The following NOL4 variants were observed in gnomAD, a reference collection of about 807,000 sequenced individuals.
The protein encoded by NOL4 is nucleolar protein 4, also known as cancer/testis antigen 125.
A neutral mutation model predicts 75.9 loss-of-function variants in NOL4; 17 were observed. The ratio of observed to expected loss-of-function variants is 0.22; its 90% CI spans 0.15 to 0.34. The LOEUF is 0.34. Among genes scored for constraint, NOL4 ranks in the 10% least tolerant of loss-of-function variants. The pLI is 1.00. For synonymous variants in NOL4, 292 were observed against 289.9 expected, an observed-to-expected ratio of 1.01 and a Z score of -0.07; for missense variants, 614 against 793.5, an observed-to-expected ratio of 0.77 and a Z score of 2.72.
At chr18:33,978,127 T>A (rs776114289) in intron 6 of NOL4, among the ~76,000 whole-genome samples, 4 of 152,178 alleles carry the variant, frequency 2.6e-5, no homozygotes, top group Non-Finnish European at 4.4e-5. Flanking sequence ...TGGTGACCAG[T>A]TGGCCGCTAT....
intron 1 of NOL4, among the ~76,000 whole-genome samples, chr18:34,138,033 A>C (rs1372848816): frequency 1.3e-5 from 2 of 152,160 alleles, no homozygotes; most frequent in Non-Finnish European, 1.5e-5. Flanking sequence ...GAAGACATTA[A>C]GTTTCATGAA....
intron 9 of NOL4, among the ~76,000 whole-genome samples, chr18:33,907,140 G>A (rs1238315373): frequency 1.3e-5 from 2 of 151,760 alleles, no homozygotes; most frequent in African/African-American, 2.4e-5. Context: ...TGGCTAACAC[G>A]GTGAAACCCC....
intron 1 of NOL4, among the ~76,000 whole-genome samples, chr18:34,212,820 T>A (rs1332340393): frequency 2.0e-5 from 3 of 152,182 alleles, no homozygotes; most frequent in Admixed American, 2.0e-4. Flanking sequence ...CCCCATTCCA[T>A]TTCAGCAAGA....
chr18:34,013,349 C>T (rs557528659), intron 6 of NOL4, among the ~76,000 whole-genome samples: 47 of 151,998 alleles, frequency 3.1e-4, no homozygotes, highest in African/African-American at 1.1e-3. Flanking sequence ...TCTCTGTTAG[C>T]AGACTTCTCC....
At chr18:34,140,051 C>T (rs140319865) in intron 1 of NOL4, among the ~76,000 whole-genome samples, 3,069 of 152,034 alleles carry the variant, frequency 0.02, 41 homozygotes, top group African/African-American at 0.044. Context: ...AGACAGTTTG[C>T]TATAATTTCT....
At chr18:33,932,917 CATT>C (rs1054746761) in intron 9 of NOL4, among the ~76,000 whole-genome samples, 133 of 152,114 alleles carry the variant, frequency 8.7e-4, no homozygotes, top group African/African-American at 3.1e-3. Flanking sequence ...CTGTTATTGA[CATT>C]ATTATTAAAG....
chr18:33,931,572 T>G (rs1451914426), intron 9 of NOL4, among the ~76,000 whole-genome samples: 1 of 151,626 alleles, frequency 6.6e-6, no homozygotes, highest in African/African-American at 2.4e-5. Context: ...CTCTAAATTT[T>G]TTTGTTTTTT....
chr18:34,183,692 C>T (rs928958983), intron 1 of NOL4: 10 of 151,910 alleles, frequency 6.6e-5, no homozygotes, highest in Admixed American at 6.6e-4. Flanking sequence ...ACCTCCACTG[C>T]CTTTGGCTAA....
intron 1 of NOL4, among the ~76,000 whole-genome samples, chr18:34,151,676 CA>C (rs2081645722): frequency 6.6e-6 from 1 of 151,744 alleles, no homozygotes; most frequent in Non-Finnish European, 1.5e-5. Flanking sequence ...TGTACAAAAC[CA>C]AGATTAACCC....
At chr18:34,168,117 GA>G (rs1370037451) in intron 1 of NOL4, among the ~76,000 whole-genome samples, 1 of 151,484 alleles carries the variant, frequency 6.6e-6, no homozygotes, top group Non-Finnish European at 1.5e-5. Flanking sequence ...AGAAATTTAG[GA>G]AAAATGTCAT....
chr18:34,185,827 A>G (rs1387312873), intron 1 of NOL4, among the ~76,000 whole-genome samples: 3 of 152,170 alleles, frequency 2.0e-5, no homozygotes, highest in African/African-American at 7.2e-5. Context: ...CACCAAAGAG[A>G]TAAGAATAAT....
intron 1 of NOL4, among the ~76,000 whole-genome samples, chr18:34,155,757 G>A (rs1251987249): frequency 2.0e-5 from 3 of 152,066 alleles, no homozygotes; most frequent in African/African-American, 7.2e-5. Flanking sequence ...GGACAAGATT[G>A]TACTAAGGAG....
intron 5 of NOL4, among the ~76,000 whole-genome samples, chr18:34,063,121 G>A (rs2077133133): frequency 6.6e-6 from 1 of 151,978 alleles, no homozygotes; most frequent in Non-Finnish European, 1.5e-5. Flanking sequence ...GGTGAGGTAT[G>A]GATGAAAGAT....
At chr18:34,024,192 A>ATATATATATATATATATATATAT (rs1215950663) in intron 5 of NOL4, among the ~76,000 whole-genome samples, 23 of 76,142 alleles carry the variant, frequency 3.0e-4, no homozygotes, top group East Asian at 2.8e-3. Flanking sequence ...AAAAAAAAAA[A>ATATATATATATATATATATATAT]AAATATATAT....
chr18:34,071,867 G>A (rs1449551252), intron 5 of NOL4, among the ~76,000 whole-genome samples: 2 of 152,094 alleles, frequency 1.3e-5, no homozygotes, highest in Admixed American at 1.3e-4. Flanking sequence ...CGCACATAAT[G>A]AGGGGGGAAT....
At chr18:33,988,271 C>T (rs576199635) in intron 6 of NOL4, among the ~76,000 whole-genome samples, 1 of 152,136 alleles carries the variant, frequency 6.6e-6, no homozygotes, top group African/African-American at 2.4e-5. Flanking sequence ...TCCACTCTTC[C>T]CCACCCCAAG....
At chr18:34,181,668 T>C (rs567418303) in intron 1 of NOL4, among the ~76,000 whole-genome samples, 27 of 151,648 alleles carry the variant, frequency 1.8e-4, no homozygotes, top group African/African-American at 5.1e-4. Flanking sequence ...CATTATATAT[T>C]TGAGAAGGGT....
intron 1 of NOL4, among the ~76,000 whole-genome samples, chr18:34,215,989 T>C (rs983555218): frequency 2.6e-5 from 4 of 152,190 alleles, no homozygotes; most frequent in Admixed American, 1.3e-4. Context: ...CAAATTGTTA[T>C]ATATTTCCAA....
At chr18:33,903,411 C>A (rs1050937999) in intron 9 of NOL4, among the ~76,000 whole-genome samples, 2 of 152,082 alleles carry the variant, frequency 1.3e-5, no homozygotes, top group Non-Finnish European at 2.9e-5. Flanking sequence ...GACAGAGAAC[C>A]AAACCATATC....
Sources: allele counts gnomAD v4.1 joint callset (sites outside exome capture counted in the v4.1 genomes callset), GRCh38; gene constraint gnomAD v4.1.1; transcripts MANE v1.5; gene names NCBI Gene and HGNC (gene_info 2026-07-23, HGNC 2026-07-21).